The following RB1CC1 variants were observed in gnomAD, a reference collection of about 807,000 sequenced individuals.
RB1CC1 encodes the protein RB1-inducible coiled-coil protein 1.
Under a neutral mutation model 177.5 loss-of-function variants are expected in RB1CC1, and 46 were observed. The observed-to-expected ratio is 0.26, with a 90% CI of 0.20 to 0.33. The LOEUF is 0.33. Among genes scored for constraint, RB1CC1 ranks in the 10% least tolerant of loss-of-function variants. The pLI is 1.00. For missense variants in RB1CC1, 1,703 were observed against 1,816.3 expected (o/e 0.94, Z 1.13); for synonymous variants, 666 against 613.6 (o/e 1.09, Z -1.26).
chr8:52,649,972 T>C (rs1214530806), intron 15 of RB1CC1, among the ~76,000 whole-genome samples: 2 of 152,256 alleles, frequency 1.3e-5, no homozygotes, highest in Non-Finnish European at 2.9e-5. Context: ...TGGCCATTTG[T>C]ATTTCTTCTT....
At position 52,691,089 on chromosome 8, in the gene RB1CC1, T is replaced by A. The variant is rs1854811745; in HGVS notation, c.-166-4122A>T. The stretch of plus-strand genomic sequence containing the variant: ...TAATATCCTTTGTAGTTTCCGCCCC[T>A]CAGATCCAGGATTTATTTCAGGATC... On this transcript the variant is annotated intron_variant, in intron 1 of 23. Coordinates refer to ENST00000025008, the MANE Select transcript of RB1CC1 (RefSeq NM_014781.5). 2.6e-5 allele frequency among the ~76,000 whole-genome samples: 4 copies of A among 152,338 alleles called. No individual in the cohort carries two copies. The South Asian group carries it at 8.3e-4, about 32-fold the overall frequency.
At chr8:52,677,825 T>C (rs1005972341) in intron 5 of RB1CC1, among the ~76,000 whole-genome samples, 2 of 152,050 alleles carry the variant, frequency 1.3e-5, no homozygotes, top group Non-Finnish European at 2.9e-5. Flanking sequence ...AAATAACAAA[T>C]AAAATGTTTT....
chr8:52,681,092 A>G (rs1261472741), intron 5 of RB1CC1, among the ~76,000 whole-genome samples: 1 of 151,312 alleles, frequency 6.6e-6, no homozygotes, highest in African/African-American at 2.4e-5. Context: ...CCTGGGTTCA[A>G]GCAATTCTCC....
chr8:52,641,640 T>C (rs1040680554), intron 18 of RB1CC1, among the ~76,000 whole-genome samples: 1 of 152,094 alleles, frequency 6.6e-6, no homozygotes, highest in Non-Finnish European at 1.5e-5. Flanking sequence ...TCATCTCACA[T>C]GGGGGTGTAG....
At chr8:52,640,018 CTTTTA>C (rs945140954) in intron 18 of RB1CC1, among the ~76,000 whole-genome samples, 26 of 152,210 alleles carry the variant, frequency 1.7e-4, no homozygotes, top group African/African-American at 5.3e-4. Flanking sequence ...TACTAAACAA[CTTTTA>C]TTTTATTGTG....
At chr8:52,627,582 T>A (rs1180662865) in intron 22 of RB1CC1, among the ~76,000 whole-genome samples, 2 of 152,138 alleles carry the variant, frequency 1.3e-5, no homozygotes, top group South Asian at 2.1e-4. Context: ...ATTTCCTTTT[T>A]AAAAAAATAA....
chr8:52,658,303 G>A (rs576182115), intron 13 of RB1CC1, among the ~76,000 whole-genome samples, 179 bp from the exon 14 acceptor site: 10 of 152,232 alleles, frequency 6.6e-5, no homozygotes, highest in South Asian at 2.1e-4. Flanking sequence ...TTAGGGCCGG[G>A]CGTGGTGGAT....
intron 16 of RB1CC1, among the ~76,000 whole-genome samples, chr8:52,645,257 G>A (rs1307061582): frequency 1.3e-5 from 2 of 152,160 alleles, no homozygotes; most frequent in Non-Finnish European, 2.9e-5. Context: ...TGATCTGAAT[G>A]TAATTTAGGA....
chr8:52,685,719 T>C (rs1854217500), intron 2 of RB1CC1, among the ~76,000 whole-genome samples, 199 bp from the exon 3 acceptor site: 1 of 152,054 alleles, frequency 6.6e-6, no homozygotes, highest in Non-Finnish European at 1.5e-5. Context: ...ATGAGTTTAG[T>C]GAAAAGAAAA....
intron 1 of RB1CC1, among the ~76,000 whole-genome samples, chr8:52,704,166 T>C (rs1856348214): frequency 6.6e-6 from 1 of 152,136 alleles, no homozygotes; most frequent in Non-Finnish European, 1.5e-5. Flanking sequence ...ACTCCTGTGA[T>C]TTCAGGAGTT....
chr8:52,678,664 CA>C (rs1283033863), intron 5 of RB1CC1, among the ~76,000 whole-genome samples: 15 of 152,002 alleles, frequency 9.9e-5, no homozygotes. Context: ...ATAAGGATGC[CA>C]AAATTATGAC....
intron 21 of RB1CC1, among the ~76,000 whole-genome samples, chr8:52,628,478 T>C (rs1848544304): frequency 6.6e-6 from 1 of 152,190 alleles, no homozygotes; most frequent in African/African-American, 2.4e-5. Context: ...TATCCAGTCA[T>C]AGCAAGATTT....
chr8:52,663,442 T>C (rs890995984), intron 8 of RB1CC1, among the ~76,000 whole-genome samples: 4 of 152,108 alleles, frequency 2.6e-5, no homozygotes, highest in African/African-American at 9.7e-5. Context: ...TCAAAGGCAT[T>C]TGAAATGGTC....
chr8:52,636,159 T>G (rs1849128287), intron 18 of RB1CC1, 90 bp from the exon 19 acceptor site: 1 of 1,358,222 alleles, frequency 7.4e-7, no homozygotes, highest in Admixed American at 2.7e-5. Flanking sequence ...TACAGATCAC[T>G]TTAACAATTT....
intron 8 of RB1CC1, among the ~76,000 whole-genome samples, chr8:52,662,644 A>C (rs955605810): frequency 1.3e-5 from 2 of 152,086 alleles, no homozygotes; most frequent in African/African-American, 4.8e-5. Context: ...GACCAGCTAA[A>C]GGACAAGTGT....
intron 7 of RB1CC1, among the ~76,000 whole-genome samples, chr8:52,671,521 A>C (rs961912512): frequency 6.6e-6 from 1 of 152,224 alleles, no homozygotes; most frequent in Admixed American, 6.5e-5. Context: ...AAATGCCCCT[A>C]GTCTTATCAA....
At chr8:52,701,387 A>G (rs528959515) in intron 1 of RB1CC1, among the ~76,000 whole-genome samples, 27 of 152,142 alleles carry the variant, frequency 1.8e-4, no homozygotes, top group African/African-American at 6.5e-4. Flanking sequence ...GGCCTCCCCA[A>G]GTGTTGAGAT....
intron 1 of RB1CC1, among the ~76,000 whole-genome samples, chr8:52,688,879 C>T (rs543802897): frequency 6.6e-6 from 1 of 152,110 alleles, no homozygotes; most frequent in African/African-American, 2.4e-5. Context: ...CTCAGCCGGC[C>T]GACACTAATG....
At chr8:52,673,811 A>G in intron 7 of RB1CC1, 34 bp downstream of exon 7, 1 of 1,535,430 alleles carries the variant, frequency 6.5e-7, no homozygotes, top group Non-Finnish European at 8.8e-7. Context: ...AAGTAGTAAA[A>G]TGACAAAACA....
Sources: allele counts gnomAD v4.1 joint callset (sites outside exome capture counted in the v4.1 genomes callset), GRCh38; gene constraint gnomAD v4.1.1; transcripts MANE v1.5; gene names NCBI Gene and HGNC (gene_info 2026-07-23, HGNC 2026-07-21).